SLC15A5: variants seen among roughly 807,000 people sequenced by gnomAD.
SLC15A5 encodes the protein solute carrier family 15 member 5.
Under a neutral mutation model 56.1 loss-of-function variants are expected in SLC15A5, and 58 were observed. The observed-to-expected ratio is 1.03, with a 90% CI of 0.84 to 1.29. The LOEUF is 1.29. Among genes scored for constraint, SLC15A5 ranks in the 50% most tolerant of loss-of-function variants. SLC15A5 has a pLI of 0.00. For synonymous variants in SLC15A5, 264 were observed against 250.5 expected (o/e 1.05, Z -0.51); for missense variants, 681 against 672.1 (o/e 1.01, Z -0.15).
chr12:16,261,402 A>G (rs1164528408), intron 2 of SLC15A5, among the ~76,000 whole-genome samples: 3 of 152,186 alleles, frequency 2.0e-5, no homozygotes, highest in Non-Finnish European at 4.4e-5. Context: ...CCATGTTAGT[A>G]TATTTATCTG....
chr12:16,255,326 C>G (rs1214233437), intron 3 of SLC15A5, among the ~76,000 whole-genome samples: 1 of 151,916 alleles, frequency 6.6e-6, no homozygotes, highest in Non-Finnish European at 1.5e-5. Context: ...TCAAAATGCT[C>G]TAAGGCAATG....
chr12:16,257,064 CAG>C (rs1043442282), intron 3 of SLC15A5, among the ~76,000 whole-genome samples: 8 of 151,900 alleles, frequency 5.3e-5, no homozygotes, highest in Admixed American at 4.6e-4. Context: ...GAGATTTTAA[CAG>C]TGACTAGATA....
At chr12:16,253,061 T>G (rs1047587696) in intron 3 of SLC15A5, among the ~76,000 whole-genome samples, 4 of 152,024 alleles carry the variant, frequency 2.6e-5, no homozygotes, top group Admixed American at 6.6e-5. Flanking sequence ...CTTCAACAAA[T>G]AGGGCGGGGT....
rs1864337489 is a variant in SLC15A5, at chr12:16,235,191, C to T, written c.1162+4490G>A. 6.6e-6 allele frequency among the ~76,000 whole-genome samples: 1 copy of T among 150,414 alleles called. No homozygotes were observed. The highest frequency in any genetic ancestry group is 1.5e-5 in the Non-Finnish European group (1 of 67,700). ...TATGTTTTTTATTTTTATTGTTTTC[C>T]CCTATTTGTGGCATGTTTTTATACA... On this transcript the variant is annotated intron_variant, in intron 5 of 8. Transcript: ENST00000344941. This position sits in a 1 kb window ranked among gnomAD's most constrained non-coding sequence, Gnocchi z 4.1.
At chr12:16,256,729 G>A (rs1864577129) in intron 3 of SLC15A5, among the ~76,000 whole-genome samples, 1 of 151,784 alleles carries the variant, frequency 6.6e-6, no homozygotes, top group Non-Finnish European at 1.5e-5. Context: ...CGTGGTGGCG[G>A]GCACCTGTAG....
At chr12:16,202,403 CA>C (rs1241840665) in intron 7 of SLC15A5, among the ~76,000 whole-genome samples, 2 of 152,120 alleles carry the variant, frequency 1.3e-5, no homozygotes, top group African/African-American at 4.8e-5. Context: ...AATGAGATAT[CA>C]CTTCACACCA....
intron 2 of SLC15A5, 92 bp downstream of exon 2, chr12:16,272,469 A>G: frequency 6.7e-6 from 8 of 1,202,546 alleles, no homozygotes; most frequent in Non-Finnish European, 7.0e-6. Flanking sequence ...AATTCATCAC[A>G]AAGACTGAGC....
intron 2 of SLC15A5, among the ~76,000 whole-genome samples, chr12:16,262,050 A>G (rs1202999783): frequency 1.3e-5 from 2 of 152,180 alleles, no homozygotes; most frequent in Non-Finnish European, 2.9e-5. Flanking sequence ...CTCAGAAATC[A>G]TTGCCTAAAC....
At chr12:16,222,435 A>G (rs1440341568) in intron 6 of SLC15A5, among the ~76,000 whole-genome samples, 1 of 152,024 alleles carries the variant, frequency 6.6e-6, no homozygotes, top group Non-Finnish European at 1.5e-5. Flanking sequence ...TCTCATTCCC[A>G]TTGATGCTTA....
In SLC15A5 at chr12:16,258,336, A is replaced by G. The variant is rs77502529; in HGVS notation, c.585-466T>C. Among the ~76,000 whole-genome samples the G allele has an allele frequency of 1.4e-3, 220 of 152,290 alleles. 6 individuals are homozygous for G. The East Asian group carries it at 0.028, about 19-fold the overall frequency. The stretch of plus-strand genomic sequence containing the variant: ...TAGGAAAACACAAATACTCAGAAAT[A>G]TCTGGGTTATACTTAGAATAGCATG... On this transcript the variant is annotated intron_variant, in intron 2 of 8. Coordinates refer to ENST00000344941, the MANE Select transcript of SLC15A5 (RefSeq NM_001170798.1).
intron 4 of SLC15A5, among the ~76,000 whole-genome samples, chr12:16,242,619 G>A (rs1864423801): frequency 6.6e-6 from 1 of 152,150 alleles, no homozygotes; most frequent in Non-Finnish European, 1.5e-5. Flanking sequence ...ATTAGTTTCT[G>A]TGCTTTGCAA....
chr12:16,192,118 T>C (rs1169365735), intron 8 of SLC15A5, among the ~76,000 whole-genome samples: 3 of 152,104 alleles, frequency 2.0e-5, no homozygotes, highest in Non-Finnish European at 4.4e-5. Context: ...ACTTTAGTTT[T>C]TTGATTTATA....
chr12:16,205,608 C>CACAT (rs1864011278), intron 7 of SLC15A5, among the ~76,000 whole-genome samples: 1 of 124,872 alleles, frequency 8.0e-6, no homozygotes, highest in Non-Finnish European at 1.7e-5. Context: ...CACACACACA[C>CACAT]ACATATATAT....
rs978356898 is a variant in SLC15A5 at position 16,203,024 on chromosome 12, G to C, written c.1484-8571C>G. On this transcript the variant is annotated intron_variant, in intron 7 of 8. Coordinates refer to ENST00000344941, the MANE Select transcript of SLC15A5 (RefSeq NM_001170798.1). Reference sequence around the variant, plus strand: ...GCCAACAGGTACAAAGTTTGAGTTAGACAGGAGGAATTAGTTCTGGTGATC... The same window carrying C: ...GCCAACAGGTACAAAGTTTGAGTTACACAGGAGGAATTAGTTCTGGTGATC... Among the ~76,000 whole-genome samples, 7 of 152,140 alleles carry C rather than the reference G, an allele frequency of 4.6e-5. No homozygotes were observed. The East Asian group carries it at 5.8e-4, about 13-fold the overall frequency.
chr12:16,219,871 C>T (rs1461874102), intron 6 of SLC15A5, among the ~76,000 whole-genome samples: 1 of 152,024 alleles, frequency 6.6e-6, no homozygotes, highest in Non-Finnish European at 1.5e-5. Flanking sequence ...AAAAAATATT[C>T]AGTGTGTACG....
At chr12:16,222,053 G>A (rs913826627) in intron 6 of SLC15A5, among the ~76,000 whole-genome samples, 1 of 152,162 alleles carries the variant, frequency 6.6e-6, no homozygotes, top group South Asian at 2.1e-4. Context: ...AATAATATTA[G>A]GTTGGTGAAA....
At position 16,277,469 on chromosome 12, in the gene SLC15A5, C is replaced by T; in HGVS notation, c.217G>A (p.Gly73Ser). The T allele has an allele frequency of 6.5e-7, 1 of 1,536,490 alleles. No individual in the cohort carries two copies. Among genetic ancestry groups the T allele is most frequent in the African/African-American group, 1.4e-5 (1 of 73,068 alleles). Residue 73 changes from glycine to serine, a missense_variant, in exon 1 of 9, where the codon GGC becomes AGC. Coordinates refer to ENST00000344941, the MANE Select transcript of SLC15A5 (RefSeq NM_001170798.1). ...ATGGCTGCTTGGCAATTGTGATAGCCAAGCTTGATAGTGCAAAAGGGGATC... is the reference window on the plus strand; with the variant it reads ...ATGGCTGCTTGGCAATTGTGATAGCTAAGCTTGATAGTGCAAAAGGGGATC... ...NMIPFCTIKLGYHNCQAAILN... is the reference protein window; with the variant it reads ...NMIPFCTIKLSYHNCQAAILN...
At chr12:16,252,639 A>T (rs1864530995) in intron 3 of SLC15A5, among the ~76,000 whole-genome samples, 1 of 151,846 alleles carries the variant, frequency 6.6e-6, no homozygotes, top group Non-Finnish European at 1.5e-5. Context: ...AAACTTTACT[A>T]AAAAAAATTG....
At chr12:16,272,031 A>G (rs769353105) in intron 2 of SLC15A5, among the ~76,000 whole-genome samples, 50 of 152,140 alleles carry the variant, frequency 3.3e-4, no homozygotes, top group Admixed American at 1.2e-3. Flanking sequence ...TGGCCTAGAA[A>G]TTTATAATCT....
Sources: allele counts gnomAD v4.1 joint callset (sites outside exome capture counted in the v4.1 genomes callset), GRCh38; gene constraint gnomAD v4.1.1; non-coding constraint Gnocchi (gnomAD v3.1); transcripts MANE v1.5; gene names NCBI Gene and HGNC (gene_info 2026-07-23, HGNC 2026-07-21).